Variants in TXNRD2 observed in about 807,000 individuals in gnomAD.
TXNRD2 encodes thioredoxin reductase 2.
Under a neutral mutation model 70.8 loss-of-function variants are expected in TXNRD2, and 67 were observed. That is an observed-to-expected ratio of 0.95 (90% CI 0.78 to 1.16). The LOEUF (loss-of-function observed/expected upper bound fraction) is 1.16. Ranked by LOEUF, TXNRD2 falls within the 50% of genes most tolerant of loss-of-function variation. The pLI is 0.00. For synonymous variants in TXNRD2, 301 were observed against 295.8 expected, an observed-to-expected ratio of 1.02 and a Z score of -0.18; for missense variants, 644 against 719.9, an observed-to-expected ratio of 0.89 and a Z score of 1.21.
chr22:19,936,225 A>C (rs1303705610), intron 1 of TXNRD2, among the ~76,000 whole-genome samples: 1 of 152,014 alleles, frequency 6.6e-6, no homozygotes, highest in Non-Finnish European at 1.5e-5. Flanking sequence ...CCCTGCAGTT[A>C]CCACAGTTTT....
At chr22:19,876,115 C>A (rs58210408) in intron 17 of TXNRD2, 1 of 152,414 alleles carries the variant, frequency 6.6e-6, no homozygotes, top group Non-Finnish European at 1.5e-5. Context: ...CGGGGGGAGG[C>A]GGCCACGGTG....
At chr22:19,889,922 T>C (rs1158745021) in intron 11 of TXNRD2, among the ~76,000 whole-genome samples, 1 of 150,986 alleles carries the variant, frequency 6.6e-6, no homozygotes, top group Non-Finnish European at 1.5e-5. Flanking sequence ...TTTTTTTTAA[T>C]TGGTTTCCAC....
In TXNRD2 at chr22:19,918,199, A is replaced by T. The variant is rs1224878808; in HGVS notation, c.393T>A (p.Ala131=). 3 of 1,614,256 alleles carry T rather than the reference A, an allele frequency of 1.9e-6. No individual in the cohort carries two copies. The East Asian group carries it at 6.7e-5, about 36-fold the overall frequency. The part of the protein sequence containing the change: ...VPHDWRKMAE[A]VQNHVKSLNW... ...TCAAGGATTTCACGTGATTTTGAAC[A>T]GCTTCTGCCATCTTCCTCCTGTGAA... Residue 131 remains alanine (A), a synonymous_variant, in exon 5 of 18, where the codon GCT becomes GCA. Transcript: ENST00000400521.
In TXNRD2 at chr22:19,878,081, G is replaced by A. The variant is rs533782247; in HGVS notation, c.1445+9C>T. 11 of 1,611,944 alleles carry A rather than the reference G, an allele frequency of 6.8e-6. No individual in the cohort carries two copies. The highest frequency in any genetic ancestry group is 6.7e-5 in the African/African-American group (5 of 75,010). On this transcript the variant is annotated intron_variant, in intron 16 of 17. Transcript: ENST00000400521. Reference sequence around the variant, plus strand: ...CATCGCATCGCAGCCTGCATTCCTCGGGACTTACTTGATCCCCAGAGCAAA... The same window carrying A: ...CATCGCATCGCAGCCTGCATTCCTCAGGACTTACTTGATCCCCAGAGCAAA...
intron 16 of TXNRD2, 60 bp from the exon 17 acceptor site, chr22:19,877,294 T>A: frequency 6.7e-7 from 1 of 1,486,438 alleles, no homozygotes; most frequent in South Asian, 1.1e-5. Flanking sequence ...GTCCACAGCA[T>A]CCCACCCCCG....
chr22:19,906,686 C>T (rs146207462), intron 8 of TXNRD2, among the ~76,000 whole-genome samples: 180 of 152,284 alleles, frequency 1.2e-3, no homozygotes, highest in African/African-American at 4.1e-3. Flanking sequence ...GGTGTGACAA[C>T]AGAAAAACTT....
intron 8 of TXNRD2, 194 bp downstream of exon 8, chr22:19,911,183 C>T (rs576720035): frequency 2.9e-5 from 20 of 688,210 alleles, no homozygotes; most frequent in African/African-American, 1.6e-4. Context: ...GCAATCCTCC[C>T]GCTCAGTCTC....
chr22:19,907,134 G>GGT (rs1940068772), intron 8 of TXNRD2, among the ~76,000 whole-genome samples: 3 of 112,204 alleles, frequency 2.7e-5, no homozygotes, highest in Admixed American at 2.2e-4. Context: ...GGAGAGTGTG[G>GGT]GCACCATGGG....
intron 17 of TXNRD2, chr22:19,876,170 C>G (rs989995003): frequency 1.3e-5 from 2 of 152,288 alleles, no homozygotes; most frequent in Non-Finnish European, 2.9e-5. Flanking sequence ...CCCCAGAGCC[C>G]CTCGGCGCCA....
intron 11 of TXNRD2, among the ~76,000 whole-genome samples, chr22:19,890,098 G>A (rs1939201013): frequency 6.6e-6 from 1 of 152,164 alleles, no homozygotes; most frequent in Non-Finnish European, 1.5e-5. Context: ...GTAAGCACAG[G>A]GCGCTGCCTC....
chr22:19,912,261 G>C (rs114318103), intron 7 of TXNRD2, among the ~76,000 whole-genome samples: 2,553 of 152,328 alleles, frequency 0.017, 68 homozygotes, highest in African/African-American at 0.059. Context: ...AAAAAATAAA[G>C]TCAGGAATTT....
rs1939473738 is a variant in TXNRD2, at chr22:19,895,645, G to A, written c.775-64C>T. ...GCCGTGGGAGAGAGGCTCTGGCCCT[G>A]CCCTGCTCTCGAAGGCCTCAATGAA... On this transcript the variant is annotated intron_variant, in intron 10 of 17. Coordinates refer to ENST00000400521, the MANE Select transcript of TXNRD2 (RefSeq NM_006440.5). 7 of 1,584,576 alleles carry A rather than the reference G, an allele frequency of 4.4e-6. No homozygotes were observed. The African/African-American group carries it at 8.0e-5, about 18-fold the overall frequency.
At chr22:19,921,765 C>T (rs1456990489) in intron 2 of TXNRD2, among the ~76,000 whole-genome samples, 2 of 152,094 alleles carry the variant, frequency 1.3e-5, no homozygotes, top group African/African-American at 2.4e-5. Flanking sequence ...GAGATCTGAT[C>T]GGCGCATGTG....
At chr22:19,920,327 C>G (rs1453962657) in intron 2 of TXNRD2, among the ~76,000 whole-genome samples, 2 of 152,236 alleles carry the variant, frequency 1.3e-5, no homozygotes, top group African/African-American at 4.8e-5. Context: ...CCTGTTATCC[C>G]AGCACTTTGG....
chr22:19,908,911 A>C (rs1422677048), intron 8 of TXNRD2, among the ~76,000 whole-genome samples: 2 of 152,202 alleles, frequency 1.3e-5, no homozygotes, highest in African/African-American at 4.8e-5. Flanking sequence ...ATACTTAAAA[A>C]TGGTTAACGT....
intron 8 of TXNRD2, among the ~76,000 whole-genome samples, chr22:19,904,678 C>G (rs1569088201): frequency 6.6e-6 from 1 of 152,140 alleles, no homozygotes. Context: ...AGGGAGGCCT[C>G]GTGCACGCCG....
intron 12 of TXNRD2, 135 bp from the exon 13 acceptor site, chr22:19,880,852 G>T (rs377580254): frequency 3.0e-6 from 2 of 659,846 alleles, no homozygotes; most frequent in Non-Finnish European, 5.4e-6. Context: ...GCATGGTGAC[G>T]TACAGCATTC....
At chr22:19,914,100 G>A (rs369570565) in intron 7 of TXNRD2, among the ~76,000 whole-genome samples, 5 of 152,152 alleles carry the variant, frequency 3.3e-5, no homozygotes, top group African/African-American at 7.2e-5. Context: ...TACAAGATAC[G>A]TGAAGAAACA....
At chr22:19,885,495 G>T (rs182557257) in intron 11 of TXNRD2, among the ~76,000 whole-genome samples, 7 of 152,334 alleles carry the variant, frequency 4.6e-5, no homozygotes, top group Admixed American at 4.6e-4. Context: ...TCAGCCGCAG[G>T]AATTGGGTGC....
Sources: gnomAD v4.1 joint callset for allele counts (sites outside exome capture counted in the v4.1 genomes callset) on GRCh38, gnomAD v4.1.1 for gene constraint, MANE v1.5 for transcripts, NCBI Gene and HGNC (gene_info 2026-07-23, HGNC 2026-07-21) for gene names.